MYH10: variants seen among roughly 807,000 people sequenced by gnomAD.
MYH10 encodes myosin-10.
Under a neutral mutation model 257.8 loss-of-function variants are expected in MYH10, and 55 were observed. The ratio of observed to expected loss-of-function variants is 0.21; its 90% CI spans 0.17 to 0.27. MYH10 has a LOEUF of 0.27. Ranked by LOEUF, MYH10 falls within the 10% of genes least tolerant of loss-of-function variation. MYH10 has a pLI of 1.00. For missense variants in MYH10, 1,631 were observed against 2,500.6 expected (o/e 0.65, Z 7.42); for synonymous variants, 854 against 921.7 (o/e 0.93, Z 1.33).
intron 4 of MYH10, among the ~76,000 whole-genome samples, chr17:8,587,301 C>T (rs978187278): frequency 1.3e-5 from 2 of 152,114 alleles, no homozygotes; most frequent in African/African-American, 4.8e-5. Flanking sequence ...ATTTGAGCCA[C>T]TAAGTTTCAG....
intron 36 of MYH10, among the ~76,000 whole-genome samples, chr17:8,485,362 T>A (rs1365250443): frequency 6.6e-6 from 1 of 151,964 alleles, no homozygotes; most frequent in African/African-American, 2.4e-5. Context: ...AGATTATCCA[T>A]GTTTGTAGAC....
rs377239036 is a variant in MYH10 at position 8,547,551 on chromosome 17, G to T, written c.1159+762C>A. Among the ~76,000 whole-genome samples the T allele has an allele frequency of 5.9e-5, 9 of 151,770 alleles. No homozygotes were observed. The East Asian group carries it at 1.4e-3, about 23-fold the overall frequency. ...AAGCCTCAAATTGGTTATAAAAAAC[G>T]ATTATTTCAAGGGCAGATAATGTGA... is the stretch of plus-strand genomic sequence containing the variant. On this transcript the variant is annotated intron_variant, in intron 11 of 42. Coordinates refer to ENST00000360416, the MANE Select transcript of MYH10 (RefSeq NM_001256012.3).
At position 8,490,352 on chromosome 17, in the gene MYH10, C is replaced by T. The variant is rs1915576356; in HGVS notation, c.4872G>A (p.Leu1624=). The change falls in exon 35 of 43, where the codon CTG becomes CTA. Residue 1624 remains leucine (L), a synonymous_variant. Transcript: ENST00000360416. The surrounding 1 kb of genome is among the most constrained non-coding windows in gnomAD (Gnocchi z 4.1). ...RDEQNEEKKR[L]LIKQVRELEA... is the part of the protein sequence containing the mutation. ...CCCTCTGCCCTACCTGTTTGATCAG[C>T]AGCCGCTTCTTCTCTTCATTCTGCT... The T allele has an allele frequency of 6.2e-7, 1 of 1,613,812 alleles. No homozygotes were observed. The highest frequency in any genetic ancestry group is 1.1e-5 in the South Asian group (1 of 91,086).
In MYH10 at chr17:8,490,461, G is replaced by A; in HGVS notation, c.4763C>T (p.Ala1588Val). The A allele has an allele frequency of 6.2e-7, 1 of 1,614,182 alleles. No individual in the cohort carries two copies. The highest frequency in any genetic ancestry group is 8.5e-7 in the Non-Finnish European group (1 of 1,180,034). ...CAGACGAAGCTTGGCATCTTCCGTG[G>A]CCTGGAGTTCGTCTTCCAGCTCCTC... ...QLEELEDELQ[A>V]TEDAKLRLEV... The change falls in exon 35 of 43, where the codon GCC (alanine) becomes GTC (valine). Residue 1588 changes from alanine (A) to valine (V), a missense_variant. By Grantham distance (64) the Ala-to-Val change is moderately conservative (BLOSUM62 0). Transcript: ENST00000360416. The surrounding 1 kb of genome is among the most constrained non-coding windows in gnomAD (Gnocchi z 4.1).
intron 6 of MYH10, among the ~76,000 whole-genome samples, chr17:8,572,443 T>C (rs1467039311): frequency 1.3e-5 from 2 of 152,214 alleles, no homozygotes; most frequent in African/African-American, 4.8e-5. Flanking sequence ...ACTCTTTAAA[T>C]GTGAGGACAT....
At chr17:8,627,351 T>C (rs551359976) in intron 1 of MYH10, among the ~76,000 whole-genome samples, 34 of 152,312 alleles carry the variant, frequency 2.2e-4, no homozygotes, top group African/African-American at 8.2e-4. Flanking sequence ...CCAACCCTCA[T>C]AGTGAAATTC....
At position 8,623,289 on chromosome 17, in the gene MYH10, G is replaced by A; in HGVS notation, c.-31-12C>T. ...AAAAGCAATTGCCTCTAAGAGAAGAGGAGGAGGGCAAAATTAGATGTTTAA... is the reference window on the plus strand; with the variant it reads ...AAAAGCAATTGCCTCTAAGAGAAGAAGAGGAGGGCAAAATTAGATGTTTAA... On this transcript the variant is annotated splice_polypyrimidine_tract_variant and intron_variant, in intron 1 of 42. Transcript: ENST00000360416. 6.5e-7 allele frequency: 1 copy of A among 1,538,338 alleles called. No individual in the cohort carries two copies. Among genetic ancestry groups the A allele is most frequent in the South Asian group, 1.2e-5 (1 of 80,642 alleles).
chr17:8,505,705 G>GCT (rs2081053061), intron 27 of MYH10, among the ~76,000 whole-genome samples: 1 of 152,154 alleles, frequency 6.6e-6, no homozygotes, highest in African/African-American at 2.4e-5. Context: ...TACAGGCTGG[G>GCT]TGAGGTGGCT....
intron 2 of MYH10, among the ~76,000 whole-genome samples, chr17:8,606,193 T>C (rs1297455120): frequency 7.4e-6 from 1 of 135,964 alleles, no homozygotes; most frequent in African/African-American, 2.7e-5. Context: ...TGATCAATAC[T>C]ATCAATTACA....
intron 3 of MYH10, among the ~76,000 whole-genome samples, chr17:8,592,933 C>CCACATATATATATATATATATA (rs1555612260): frequency 2.2e-5 from 1 of 44,712 alleles, no homozygotes. Flanking sequence ...TCAAATCCAG[C>CCACATATATATATATATATATA]TATATATATA....
chr17:8,565,398 C>CTATTTT (rs2083132559), intron 7 of MYH10, among the ~76,000 whole-genome samples: 1 of 151,942 alleles, frequency 6.6e-6, no homozygotes, highest in South Asian at 2.1e-4. Flanking sequence ...ATCAATGGAC[C>CTATTTT]TAATTATTTT....
At chr17:8,505,055 C>G (rs2081030736) in intron 27 of MYH10, 149 bp from the exon 28 acceptor site, 5 of 684,316 alleles carry the variant, frequency 7.3e-6, no homozygotes, top group Admixed American at 2.5e-5. Context: ...AGATGCTCAG[C>G]ACCTGCTAGG....
chr17:8,501,315 C>A (rs1008748606), intron 28 of MYH10, among the ~76,000 whole-genome samples: 1 of 152,084 alleles, frequency 6.6e-6, no homozygotes, highest in African/African-American at 2.4e-5. Flanking sequence ...AAACAAACAA[C>A]CAGTGCAACT....
intron 3 of MYH10, among the ~76,000 whole-genome samples, chr17:8,592,933 C>CCATACATATATATATATATATATA: frequency 2.2e-5 from 1 of 44,712 alleles, no homozygotes; most frequent in Non-Finnish European, 4.5e-5. Flanking sequence ...TCAAATCCAG[C>CCATACATATATATATATATATATA]TATATATATA....
At chr17:8,589,281 C>T (rs889359056) in intron 3 of MYH10, among the ~76,000 whole-genome samples, 173 bp from the exon 4 acceptor site, 34 of 130,050 alleles carry the variant, frequency 2.6e-4, no homozygotes, top group Non-Finnish European at 4.6e-4. Flanking sequence ...ATCAAACCCC[C>T]TCATATCTCC....
rs370489347 is a variant in MYH10 at position 8,535,445 on chromosome 17, G to A, written c.1836C>T (p.Asn612=). Residue 612 remains asparagine (N), a synonymous_variant, in exon 16 of 43, where the codon AAC becomes AAT. Coordinates refer to ENST00000360416, the MANE Select transcript of MYH10 (RefSeq NM_001256012.3). This position sits in a 1 kb window ranked among gnomAD's most constrained non-coding sequence, Gnocchi z 4.3. The part of the protein sequence containing the change: ...LMKNMDPLND[N]VATLLHQSSD... The stretch of plus-strand genomic sequence containing the variant: ...ATGACTGGTGCAAAAGGGTGGCCAC[G>A]TTGTCATTCAGGGGGTCCATATTCT... 27 of 1,613,928 alleles carry A rather than the reference G, an allele frequency of 1.7e-5. No individual in the cohort carries two copies. Among genetic ancestry groups the A allele is most frequent in the African/African-American group, 4.0e-5 (3 of 74,904 alleles).
intron 3 of MYH10, among the ~76,000 whole-genome samples, chr17:8,599,930 T>C (rs772824262): frequency 1.2e-4 from 18 of 151,890 alleles, no homozygotes; most frequent in Non-Finnish European, 2.6e-4. Context: ...AGTGCCTCTG[T>C]GGAATGGGAA....
intron 36 of MYH10, among the ~76,000 whole-genome samples, chr17:8,485,095 T>A (rs1210329687): frequency 1.3e-5 from 2 of 152,178 alleles, no homozygotes; most frequent in Admixed American, 1.3e-4. Flanking sequence ...GAACTGCTGG[T>A]AATATGGACA....
At chr17:8,494,118 C>T (rs1046432417) in intron 31 of MYH10, among the ~76,000 whole-genome samples, 2 of 152,186 alleles carry the variant, frequency 1.3e-5, no homozygotes, top group African/African-American at 4.8e-5. Context: ...GCCATCCACC[C>T]AGGGGCCCAG....
Sources: allele counts gnomAD v4.1 joint callset (sites outside exome capture counted in the v4.1 genomes callset), GRCh38; gene constraint gnomAD v4.1.1; non-coding constraint Gnocchi (gnomAD v3.1); transcripts MANE v1.5; gene names NCBI Gene and HGNC (gene_info 2026-07-23, HGNC 2026-07-21).